EYS: variants seen among roughly 807,000 people sequenced by gnomAD.
EYS encodes the protein protein eyes shut homolog.
EYS carries 250 observed loss-of-function variants against 282.1 expected under a neutral mutation model. The ratio of observed to expected loss-of-function variants is 0.89; its 90% CI spans 0.80 to 0.98. EYS has a LOEUF of 0.98. EYS is among the 50% of genes least tolerant of loss of function. The pLI is 0.00. For synonymous variants in EYS, 1,355 were observed against 1,282.9 expected (o/e 1.06, Z -1.20); for missense variants, 4,016 against 3,709.0 (o/e 1.08, Z -2.15).
In EYS at chr6:65,507,690, T is replaced by G. The variant is rs116006521; in HGVS notation, c.-332-11697A>C. On this transcript the variant is annotated intron_variant, in intron 2 of 42. Transcript: ENST00000503581. ...GTTGATATATTTTCAAGCCCACTGA[T>G]CTTTCCTTAGCTTTCTACCTATGTC... 1.0e-3 allele frequency among the ~76,000 whole-genome samples: 154 copies of G among 152,268 alleles called. 1 individual carries two copies. Among genetic ancestry groups the G allele is most frequent in the African/African-American group, 3.6e-3 (149 of 41,580 alleles).
At chr6:63,794,529 C>T (rs1414505472) in intron 37 of EYS, among the ~76,000 whole-genome samples, 1 of 152,166 alleles carries the variant, frequency 6.6e-6, no homozygotes, top group Admixed American at 6.5e-5. Flanking sequence ...TGTCTTATGT[C>T]ACTTTCCTGG....
chr6:64,543,094 G>C (rs1764740307), intron 26 of EYS, among the ~76,000 whole-genome samples: 1 of 152,016 alleles, frequency 6.6e-6, no homozygotes, highest in African/African-American at 2.4e-5. Flanking sequence ...GTCCTTTAAA[G>C]TCCACCACCT....
intron 31 of EYS, among the ~76,000 whole-genome samples, chr6:64,168,019 T>C (rs961216549): frequency 9.9e-5 from 15 of 152,144 alleles, no homozygotes; most frequent in Admixed American, 9.8e-4. Context: ...TCGCAGCACT[T>C]TGGGAGGCCG....
At chr6:64,348,430 C>CTTTATT (rs75074456) in intron 29 of EYS, among the ~76,000 whole-genome samples, 150,665 of 151,320 alleles carry the variant, frequency 1, 75,006 homozygotes, top group Middle Eastern at 1. Flanking sequence ...TTCTTTCTCC[C>CTTTATT]ATGGAAGCCA....
At chr6:65,144,113 A>T (rs1426346146) in intron 12 of EYS, among the ~76,000 whole-genome samples, 2 of 152,074 alleles carry the variant, frequency 1.3e-5, no homozygotes, top group African/African-American at 2.4e-5. Context: ...TGCCTGCTAA[A>T]CTTTTGTCAT....
intron 16 of EYS, among the ~76,000 whole-genome samples, chr6:64,905,538 C>G (rs566671887): frequency 1.1e-4 from 17 of 152,106 alleles, no homozygotes; most frequent in African/African-American, 3.6e-4. Context: ...CAAATACACA[C>G]GAATGGTCAG....
At chr6:64,764,099 T>G (rs1246634965) in intron 22 of EYS, among the ~76,000 whole-genome samples, 1 of 152,016 alleles carries the variant, frequency 6.6e-6, no homozygotes, top group African/African-American at 2.4e-5. Context: ...CATTCTGGGG[T>G]GAGGAGGATG....
At chr6:64,397,811 T>C (rs1773425749) in intron 28 of EYS, among the ~76,000 whole-genome samples, 1 of 151,994 alleles carries the variant, frequency 6.6e-6, no homozygotes, top group Admixed American at 6.6e-5. Flanking sequence ...TGTGCTTTAT[T>C]TACTCTTTTG....
At chr6:65,099,947 T>A (rs1774846871) in intron 12 of EYS, among the ~76,000 whole-genome samples, 1 of 150,846 alleles carries the variant, frequency 6.6e-6, no homozygotes, top group Non-Finnish European at 1.5e-5. Flanking sequence ...CAAAGTAAGA[T>A]GTAGTGACAA....
At position 65,252,320 on chromosome 6, in the gene EYS, A is replaced by G. The variant is rs142490368; in HGVS notation, c.2023+43543T>C. 5.1e-3 allele frequency among the ~76,000 whole-genome samples: 781 copies of G among 152,054 alleles called. 5 individuals carry two copies. The highest frequency in any genetic ancestry group is 0.018 in the African/African-American group (750 of 41,522). On this transcript the variant is annotated intron_variant, in intron 12 of 42. Transcript: ENST00000503581. Reference sequence around the variant, plus strand: ...TACCAAAGACAAAGAAAATATAGTAATAGACCACCAACCACATCACAGATT... The same window carrying G: ...TACCAAAGACAAAGAAAATATAGTAGTAGACCACCAACCACATCACAGATT...
chr6:64,129,938 G>A (rs1173131935), intron 31 of EYS, among the ~76,000 whole-genome samples: 2 of 152,154 alleles, frequency 1.3e-5, no homozygotes, highest in Non-Finnish European at 2.9e-5. Flanking sequence ...TCAGATAGTT[G>A]TAGATATGTG....
chr6:65,275,133 C>T (rs182504733), intron 12 of EYS, among the ~76,000 whole-genome samples: 2 of 152,250 alleles, frequency 1.3e-5, no homozygotes, highest in East Asian at 1.9e-4. Context: ...GTGCTCAAAA[C>T]GGCAGTGACA....
intron 12 of EYS, among the ~76,000 whole-genome samples, chr6:65,104,990 G>A (rs1196615514): frequency 6.6e-6 from 1 of 151,436 alleles, no homozygotes; most frequent in Non-Finnish European, 1.5e-5. Context: ...ATTTCTGCAG[G>A]CAAACAAAAT....
At chr6:65,680,906 T>C (rs1768790366) in intron 1 of EYS, among the ~76,000 whole-genome samples, 1 of 151,892 alleles carries the variant, frequency 6.6e-6, no homozygotes, top group African/African-American at 2.4e-5. Context: ...TCTACCTTGA[T>C]GTAGCAACTG....
At chr6:64,686,223 A>G (rs771258565) in intron 22 of EYS, among the ~76,000 whole-genome samples, 4 of 152,058 alleles carry the variant, frequency 2.6e-5, no homozygotes, top group African/African-American at 9.7e-5. Context: ...CTGTAAGAAG[A>G]TAGAAATAAA....
intron 5 of EYS, among the ~76,000 whole-genome samples, chr6:65,443,235 CAT>C (rs1414695714): frequency 6.6e-6 from 1 of 151,218 alleles, no homozygotes; most frequent in South Asian, 2.1e-4. Flanking sequence ...TGTATGTGAA[CAT>C]ATAGACATAT....
intron 2 of EYS, among the ~76,000 whole-genome samples, chr6:65,620,124 G>C (rs914670252): frequency 1.3e-5 from 2 of 152,156 alleles, no homozygotes; most frequent in Admixed American, 6.5e-5. Context: ...GTTTCAGAAG[G>C]AATGGTACCA....
At chr6:65,015,020 G>T (rs1375107091) in intron 13 of EYS, among the ~76,000 whole-genome samples, 2 of 152,110 alleles carry the variant, frequency 1.3e-5, no homozygotes, top group Non-Finnish European at 2.9e-5. Context: ...ATGCAAGGAA[G>T]GGGTCATGAG....
intron 2 of EYS, among the ~76,000 whole-genome samples, chr6:65,509,977 TA>T (rs1766801671): frequency 6.6e-6 from 1 of 152,152 alleles, no homozygotes; most frequent in Non-Finnish European, 1.5e-5. Flanking sequence ...ATATTATTGT[TA>T]TAATCTCTCT....
Sources: allele counts gnomAD v4.1 joint callset (sites outside exome capture counted in the v4.1 genomes callset), GRCh38; gene constraint gnomAD v4.1.1; transcripts MANE v1.5; gene names NCBI Gene and HGNC (gene_info 2026-07-23, HGNC 2026-07-21).